Variants in DNAH12 observed in about 807,000 individuals in gnomAD.
DNAH12 encodes dynein axonemal heavy chain 12, also known as axonemal beta dynein heavy chain 12.
DNAH12 carries 285 observed loss-of-function variants against 371.5 expected under a neutral mutation model. The ratio of observed to expected loss-of-function variants is 0.77; its 90% confidence interval spans 0.70 to 0.85. DNAH12 has a LOEUF of 0.85. Among genes scored for constraint, DNAH12 ranks in the 40% least tolerant of loss-of-function variants. The pLI, the probability that DNAH12 is intolerant of heterozygous loss-of-function variation, is 0.00. For missense variants in DNAH12, 3,611 were observed against 3,689.4 expected, an observed-to-expected ratio of 0.98 and a Z score of 0.55; for synonymous variants, 1,200 against 1,213.0, an observed-to-expected ratio of 0.99 and a Z score of 0.22.
At chr3:57,357,002 CA>C (rs2062815908) in intron 59 of DNAH12, among the ~76,000 whole-genome samples, 173 bp downstream of exon 59, 1 of 152,098 alleles carries the variant, frequency 6.6e-6, no homozygotes, top group Non-Finnish European at 1.5e-5. Flanking sequence ...CTCAGCCTCC[CA>C]AAGTGCTGAG....
chr3:57,533,983 GC>G (rs1264996292), intron 2 of DNAH12, among the ~76,000 whole-genome samples: 1 of 152,082 alleles, frequency 6.6e-6, no homozygotes, highest in East Asian at 1.9e-4. Context: ...TTTATTTAGG[GC>G]CCCAGGGTAC....
chr3:57,467,340 C>T (rs1408469629), intron 17 of DNAH12, among the ~76,000 whole-genome samples: 39 of 152,132 alleles, frequency 2.6e-4, no homozygotes, highest in Non-Finnish European at 8.8e-5. Flanking sequence ...TGGTCTCGAA[C>T]TCCTGACCTC....
chr3:57,433,929 A>AT (rs947452967), intron 30 of DNAH12, 101 bp from the exon 31 acceptor site: 1 of 1,040,402 alleles, frequency 9.6e-7, no homozygotes, highest in African/African-American at 1.6e-5. Flanking sequence ...ACTACTTATA[A>AT]TTTTTGAAAT....
rs569202345 is a variant in DNAH12 at position 57,341,659 on chromosome 3, A to G, written c.9675-6719T>C. Among the ~76,000 whole-genome samples, 3 of 152,242 alleles carry G rather than the reference A, an allele frequency of 2.0e-5. No individual in the cohort carries two copies. The South Asian group carries it at 6.2e-4, about 32-fold the overall frequency. ...CATCCCATCTTTATGGATTAGAAAA[A>G]TTAATATTGTTAAAATGACTCTACT... On this transcript the variant is annotated intron_variant, in intron 60 of 73. Coordinates refer to ENST00000495027, the MANE Select transcript of DNAH12 (RefSeq NM_001366028.2).
chr3:57,308,692 C>A (rs887218981), intron 69 of DNAH12, among the ~76,000 whole-genome samples: 2 of 152,136 alleles, frequency 1.3e-5, no homozygotes, highest in Admixed American at 6.5e-5. Flanking sequence ...CTGGTGCTAT[C>A]CCCAAACCGC....
chr3:57,394,590 C>G (rs890065027), intron 43 of DNAH12, among the ~76,000 whole-genome samples: 171 of 152,290 alleles, frequency 1.1e-3, no homozygotes, highest in African/African-American at 4.0e-3. Flanking sequence ...AGGGCCCAAT[C>G]ATAGTCTTAC....
At chr3:57,374,662 TAGG>T (rs1200292522) in intron 55 of DNAH12, among the ~76,000 whole-genome samples, 2 of 152,070 alleles carry the variant, frequency 1.3e-5, no homozygotes, top group Non-Finnish European at 2.9e-5. Flanking sequence ...GGTCCATCAG[TAGG>T]AGAATACATA....
intron 55 of DNAH12, among the ~76,000 whole-genome samples, chr3:57,370,591 G>A (rs2063150080): frequency 6.6e-6 from 1 of 152,120 alleles, no homozygotes; most frequent in Non-Finnish European, 1.5e-5. Flanking sequence ...TATAAACTAT[G>A]GTCACAACAG....
At chr3:57,327,708 C>G (rs1190415508) in intron 62 of DNAH12, among the ~76,000 whole-genome samples, 1 of 150,868 alleles carries the variant, frequency 6.6e-6, no homozygotes, top group Non-Finnish European at 1.5e-5. Flanking sequence ...ATAACTAAAA[C>G]CAGAGCAGAA....
chr3:57,483,259 C>A, intron 13 of DNAH12, 117 bp downstream of exon 13: 1 of 1,258,320 alleles, frequency 7.9e-7, no homozygotes, highest in Non-Finnish European at 1.1e-6. Flanking sequence ...TAGGTGGTGG[C>A]AATATAACCG....
At chr3:57,429,836 T>C (rs2064902264) in intron 32 of DNAH12, 62 bp from the exon 33 acceptor site, 18 of 1,357,750 alleles carry the variant, frequency 1.3e-5, no homozygotes, top group Non-Finnish European at 1.8e-5. Flanking sequence ...AGATAAAAAT[T>C]TATACTATGT....
chr3:57,378,063 T>TTAAA (rs1446396512), intron 52 of DNAH12, among the ~76,000 whole-genome samples: 1 of 152,154 alleles, frequency 6.6e-6, no homozygotes, highest in African/African-American at 2.4e-5. Context: ...AGAAAATGTG[T>TTAAA]TAAATAAGTA....
intron 53 of DNAH12, among the ~76,000 whole-genome samples, chr3:57,376,340 A>C (rs1033201157): frequency 8.5e-5 from 13 of 152,128 alleles, no homozygotes; most frequent in African/African-American, 3.1e-4. Flanking sequence ...AAACATACGA[A>C]CATTTGCAAT....
intron 2 of DNAH12, among the ~76,000 whole-genome samples, chr3:57,540,860 G>A (rs1413919714): frequency 6.6e-6 from 1 of 151,810 alleles, no homozygotes; most frequent in East Asian, 1.9e-4. Context: ...AGTCCAGGAG[G>A]TTGAGGCTCC....
intron 45 of DNAH12, among the ~76,000 whole-genome samples, chr3:57,389,997 AG>A (rs2063581567): frequency 6.7e-6 from 1 of 149,426 alleles, no homozygotes; most frequent in Non-Finnish European, 1.5e-5. Context: ...CACCACACTG[AG>A]GTAACTTTTG....
chr3:57,377,888 GAGA>G (rs2063313671), intron 52 of DNAH12, among the ~76,000 whole-genome samples: 1 of 152,120 alleles, frequency 6.6e-6, no homozygotes, highest in Non-Finnish European at 1.5e-5. Context: ...ACAAAGAATG[GAGA>G]AGATGACCAG....
chr3:57,518,111 T>C (rs72869898), intron 4 of DNAH12, among the ~76,000 whole-genome samples: 2,589 of 152,190 alleles, frequency 0.017, 65 homozygotes, highest in African/African-American at 0.059. Flanking sequence ...CTGTAGTCTC[T>C]TCACACTTCT....
intron 62 of DNAH12, among the ~76,000 whole-genome samples, chr3:57,327,792 A>C (rs2061987069): frequency 1.3e-5 from 2 of 152,250 alleles, no homozygotes; most frequent in South Asian, 4.1e-4. Flanking sequence ...GAAAGGATCA[A>C]CAAAATTGAT....
chr3:57,306,798 A>G (rs879528201), intron 69 of DNAH12, among the ~76,000 whole-genome samples: 2 of 152,172 alleles, frequency 1.3e-5, no homozygotes, highest in Non-Finnish European at 2.9e-5. Context: ...AAACCAGACA[A>G]GGCTTACAGG....
Sources: allele counts gnomAD v4.1 joint callset (sites outside exome capture counted in the v4.1 genomes callset), GRCh38; gene constraint gnomAD v4.1.1; transcripts MANE v1.5; gene names NCBI Gene and HGNC (gene_info 2026-07-23, HGNC 2026-07-21).